FANCB: variants seen among roughly 807,000 people sequenced by gnomAD.
FANCB encodes Fanconi anemia group B protein.
A neutral mutation model predicts 38.9 loss-of-function variants in FANCB; 5 were observed. The ratio of observed to expected loss-of-function variants is 0.13; its 90% CI spans 0.07 to 0.27. The LOEUF is 0.27. Ranked by LOEUF, FANCB falls within the 10% of genes least tolerant of loss-of-function variation. The pLI, the probability that FANCB is intolerant of heterozygous loss-of-function variation, is 1.00. For synonymous variants in FANCB, 236 were observed against 215.4 expected (o/e 1.10, Z -0.84); for missense variants, 573 against 602.7 (o/e 0.95, Z 0.52).
chrX:14,872,286 T>C (rs771217389), intron 1 of FANCB, among the ~76,000 whole-genome samples: 1 of 112,297 alleles, frequency 8.9e-6, no homozygotes, highest in African/African-American at 3.2e-5. Flanking sequence ...ATGACTACGG[T>C]TGATGGAAAT....
Position 14,853,474 on chromosome X carries a change from A to G in FANCB, c.1198-307T>C, listed in dbSNP as rs745362199. ...TTATTAAGTAACTTCGAATCAATGT[A>G]AATAAAAATCAAGGCCTACAAATAC... On this transcript the variant is annotated intron_variant, in intron 5 of 9. Coordinates refer to ENST00000650831, the MANE Select transcript of FANCB (RefSeq NM_001018113.3). 3.6e-5 allele frequency among the ~76,000 whole-genome samples: 4 copies of G among 112,047 alleles called. No homozygotes were observed. The South Asian group carries it at 1.5e-3, about 41-fold the overall frequency.
chrX:14,838,203 CTATT>C (rs982113007), intron 10 of FANCB, among the ~76,000 whole-genome samples: 4 of 112,186 alleles, frequency 3.6e-5, no homozygotes, highest in African/African-American at 1.3e-4. Flanking sequence ...TAAATATTCA[CTATT>C]TATATTATCC....
the FANCB span, among the ~76,000 whole-genome samples, chrX:14,742,275 T>C: frequency 8.9e-6 from 1 of 111,845 alleles, no homozygotes. Flanking sequence ...TTTTTCCATA[T>C]ATTCTAGGTA....
the FANCB span, among the ~76,000 whole-genome samples, chrX:14,713,205 T>C: frequency 8.9e-6 from 1 of 112,155 alleles, no homozygotes; most frequent in Non-Finnish European, 1.9e-5. Context: ...GTTATTATTG[T>C]TTTGAGTTTA....
chrX:14,790,307 G>T, the FANCB span, among the ~76,000 whole-genome samples: 18 of 112,014 alleles, frequency 1.6e-4, no homozygotes, highest in Non-Finnish European at 3.2e-4. Flanking sequence ...ATATTTCATT[G>T]TTAACTAATG....
the FANCB span, among the ~76,000 whole-genome samples, chrX:14,760,481 T>C: frequency 8.1e-5 from 9 of 111,508 alleles, no homozygotes; most frequent in African/African-American, 2.6e-4. Context: ...GGCATTCTAG[T>C]GTGCAGTAGA....
At chrX:14,801,950 G>C in the FANCB span, among the ~76,000 whole-genome samples, 1 of 111,435 alleles carries the variant, frequency 9.0e-6, no homozygotes, top group Non-Finnish European at 1.9e-5. Flanking sequence ...TCTCCTTTAA[G>C]AGCCTTATGA....
intron 3 of FANCB, among the ~76,000 whole-genome samples, chrX:14,863,129 A>G (rs974095711): frequency 1.8e-5 from 2 of 112,362 alleles, no homozygotes; most frequent in African/African-American, 6.5e-5. Flanking sequence ...CTATTAATAT[A>G]AAAGTACTTG....
At chrX:14,719,119 C>T in the FANCB span, among the ~76,000 whole-genome samples, 1 of 111,974 alleles carries the variant, frequency 8.9e-6, no homozygotes, top group East Asian at 2.8e-4. Context: ...ATTAAATGCA[C>T]ACCTACAGGA....
the FANCB span, among the ~76,000 whole-genome samples, chrX:14,803,746 C>A: frequency 9.0e-6 from 1 of 110,568 alleles, no homozygotes; most frequent in African/African-American, 3.3e-5. Context: ...ACGTAGACAT[C>A]AGAAACGTTA....
At chrX:14,730,700 G>A in the FANCB span, 1 of 401,781 alleles carries the variant, frequency 2.5e-6, no homozygotes, top group Non-Finnish European at 4.3e-6. Context: ...CAGAATCACG[G>A]GAGCATAATA....
intron 7 of FANCB, among the ~76,000 whole-genome samples, chrX:14,848,242 T>C (rs759490602): frequency 1.8e-5 from 2 of 112,276 alleles, no homozygotes; most frequent in African/African-American, 3.2e-5. Flanking sequence ...CAGGTTGGAC[T>C]GCCAGAACGA....
At chrX:14,832,582 C>T (rs1009872988), downstream of FANCB, among the ~76,000 whole-genome samples, 3 of 112,005 alleles carry the variant, frequency 2.7e-5, no homozygotes, top group African/African-American at 9.7e-5. Context: ...TATCTTCACG[C>T]CTAAGCCAAT....
the FANCB span, among the ~76,000 whole-genome samples, chrX:14,711,564 T>C: frequency 3.6e-5 from 4 of 112,579 alleles, no homozygotes; most frequent in African/African-American, 1.3e-4. Flanking sequence ...GACTTGCTCA[T>C]TGGAGCTCCT....
At chrX:14,784,933 A>G in the FANCB span, among the ~76,000 whole-genome samples, 344 of 112,155 alleles carry the variant, frequency 3.1e-3, no homozygotes, top group Non-Finnish European at 3.9e-3. Context: ...CAAACAGCGC[A>G]TGTTCTCACT....
the FANCB span, among the ~76,000 whole-genome samples, chrX:14,809,715 GGCCT>G: frequency 8.9e-6 from 1 of 112,874 alleles, no homozygotes. Context: ...AGCTCAAGGA[GGCCT>G]GCCTGCCTCT....
chrX:14,711,440 G>C, the FANCB span, among the ~76,000 whole-genome samples: 1 of 112,247 alleles, frequency 8.9e-6, no homozygotes, highest in African/African-American at 3.2e-5. Flanking sequence ...TTCACATAGA[G>C]CTGAGGCGGT....
the FANCB span, chrX:14,730,565 T>G: frequency 4.0e-6 from 1 of 249,627 alleles, no homozygotes; most frequent in Non-Finnish European, 6.6e-6. Flanking sequence ...TTATATCACT[T>G]TGACAGAGGA....
chrX:14,832,927 G>T (rs2092330972), downstream of FANCB, among the ~76,000 whole-genome samples: 1 of 111,766 alleles, frequency 8.9e-6, no homozygotes, highest in African/African-American at 3.3e-5. Context: ...TTTGAGTTGG[G>T]TTTTCTTTTA....
Sources: allele counts gnomAD v4.1 joint callset (sites outside exome capture counted in the v4.1 genomes callset), GRCh38; gene constraint gnomAD v4.1.1; transcripts MANE v1.5; gene names NCBI Gene and HGNC (gene_info 2026-07-23, HGNC 2026-07-21).